RBFOX1: variants seen among roughly 807,000 people sequenced by gnomAD.
RBFOX1 encodes the protein RNA binding fox-1 homolog 1.
Under a neutral mutation model 57.7 loss-of-function variants are expected in RBFOX1, and 8 were observed. The observed-to-expected ratio is 0.14, with a 90% CI of 0.08 to 0.25. The LOEUF (loss-of-function observed/expected upper bound fraction) is 0.25, where lower values mean the gene tolerates loss of function less well. RBFOX1 is among the 10% of genes least tolerant of loss of function. The pLI is 1.00. For missense variants in RBFOX1, 611 were observed against 548.5 expected, an observed-to-expected ratio of 1.11 and a Z score of -1.14; for synonymous variants, 326 against 222.4, an observed-to-expected ratio of 1.47 and a Z score of -4.15.
intron 2 of RBFOX1, among the ~76,000 whole-genome samples, chr16:5,520,459 A>G (rs1268045567): frequency 6.6e-6 from 1 of 152,188 alleles, no homozygotes; most frequent in Non-Finnish European, 1.5e-5. Flanking sequence ...CGTCCATGTC[A>G]TCTACATCTG....
intron 3 of RBFOX1, among the ~76,000 whole-genome samples, chr16:6,828,964 G>T (rs1467944444): frequency 6.6e-6 from 1 of 151,310 alleles, no homozygotes; most frequent in East Asian, 2.0e-4. Flanking sequence ...TCTTGAGTGT[G>T]TACTTTTCCC....
Position 7,636,506 on chromosome 16 carries a change from T to A in RBFOX1, c.757+5823T>A, listed in dbSNP as rs2061782500. ...AGATGTTACACGTGTATTTCCTGTT[T>A]TGACGATTGATGTTGCTCAGATTCC... On this transcript the variant is annotated intron_variant, in intron 11 of 15. Coordinates refer to ENST00000550418, the MANE Select transcript of RBFOX1 (RefSeq NM_018723.4). 2.0e-5 allele frequency among the ~76,000 whole-genome samples: 3 copies of A among 152,352 alleles called. No homozygotes were observed. The South Asian group carries it at 6.2e-4, about 32-fold the overall frequency.
intron 2 of RBFOX1, among the ~76,000 whole-genome samples, chr16:6,649,054 C>T (rs1232286895): frequency 1.3e-5 from 2 of 152,112 alleles, no homozygotes; most frequent in African/African-American, 2.4e-5. Flanking sequence ...TTAACTTATT[C>T]CTCCTGTCTC....
At chr16:6,305,720 A>G (rs2079429102) in intron 1 of RBFOX1, among the ~76,000 whole-genome samples, 1 of 150,094 alleles carries the variant, frequency 6.7e-6, no homozygotes. Flanking sequence ...TTTTATTTCC[A>G]CCTCGTGCAT....
At chr16:5,439,364 A>T (rs113910042) in intron 1 of RBFOX1, among the ~76,000 whole-genome samples, 1 of 152,180 alleles carries the variant, frequency 6.6e-6, no homozygotes, top group African/African-American at 2.4e-5. Context: ...GTGACATGCT[A>T]TGATTTATAT....
intron 4 of RBFOX1, among the ~76,000 whole-genome samples, chr16:7,151,910 T>G (rs987925265): frequency 2.0e-5 from 3 of 152,140 alleles, no homozygotes; most frequent in Non-Finnish European, 4.4e-5. Flanking sequence ...GAGGTGGTAA[T>G]GTGAGCTATG....
In RBFOX1 at chr16:7,257,375, C is replaced by T. The variant is rs73555959; in HGVS notation, c.27+205277C>T. On this transcript the variant is annotated intron_variant, in intron 4 of 15. Transcript: ENST00000550418. Reference sequence around the variant, plus strand: ...ATTACATGCAACCTCATGAGACTTGCTGCCCCTCTATCTTCCCTCTTTTAT... The same window carrying T: ...ATTACATGCAACCTCATGAGACTTGTTGCCCCTCTATCTTCCCTCTTTTAT... Among the ~76,000 whole-genome samples, 1,447 of 152,238 alleles carry T rather than the reference C, an allele frequency of 9.5e-3. 23 individuals are homozygous for T. Among genetic ancestry groups the T allele is most frequent in the African/African-American group, 0.033 (1,387 of 41,540 alleles).
chr16:7,234,995 A>T (rs575573421), intron 4 of RBFOX1, among the ~76,000 whole-genome samples: 9 of 152,264 alleles, frequency 5.9e-5, no homozygotes, highest in African/African-American at 2.2e-4. Flanking sequence ...GCAGTCCAAA[A>T]AACGGAATGT....
intron 1 of RBFOX1, among the ~76,000 whole-genome samples, chr16:5,261,638 C>T (rs2062736311): frequency 6.6e-6 from 1 of 151,618 alleles, no homozygotes; most frequent in Admixed American, 6.6e-5. Context: ...CAAGCTCCGC[C>T]TCCCGGGTTC....
intron 2 of RBFOX1, among the ~76,000 whole-genome samples, chr16:5,525,080 T>G (rs918550167): frequency 2.6e-5 from 4 of 152,210 alleles, no homozygotes; most frequent in African/African-American, 7.2e-5. Flanking sequence ...TTCTCAACAC[T>G]GCTCCCCTGG....
chr16:6,039,774 A>C (rs1236304671), intron 1 of RBFOX1, among the ~76,000 whole-genome samples: 2 of 152,256 alleles, frequency 1.3e-5, no homozygotes, highest in African/African-American at 2.4e-5. Context: ...AATGCAAAAC[A>C]TACCAATGAA....
At chr16:5,810,265 T>C (rs2055373634) in intron 3 of RBFOX1, among the ~76,000 whole-genome samples, 1 of 152,036 alleles carries the variant, frequency 6.6e-6, no homozygotes, top group Non-Finnish European at 1.5e-5. Context: ...GAATGGCACA[T>C]GTATACATAT....
intron 5 of RBFOX1, among the ~76,000 whole-genome samples, chr16:7,548,606 G>A (rs768881875): frequency 9.9e-5 from 15 of 152,210 alleles, no homozygotes; most frequent in Non-Finnish European, 1.9e-4. Context: ...GCGGTTGCAC[G>A]GATGAGCAGG....
intron 3 of RBFOX1, among the ~76,000 whole-genome samples, chr16:7,022,901 C>G (rs77980076): frequency 0.018 from 2,725 of 152,286 alleles, 77 homozygotes; most frequent in African/African-American, 0.058. Flanking sequence ...AGAACTAGGG[C>G]TTGCACCCCA....
At chr16:6,996,090 G>A (rs2092207660) in intron 3 of RBFOX1, among the ~76,000 whole-genome samples, 1 of 152,156 alleles carries the variant, frequency 6.6e-6, no homozygotes, top group Admixed American at 6.5e-5. Flanking sequence ...AGTGATCCAA[G>A]TATATTCCAT....
At chr16:5,642,901 C>T (rs996702882) in intron 3 of RBFOX1, among the ~76,000 whole-genome samples, 5 of 152,150 alleles carry the variant, frequency 3.3e-5, no homozygotes, top group Non-Finnish European at 7.3e-5. Context: ...AAGCTAGGCT[C>T]CTTGCCTTTC....
chr16:5,999,730 G>A (rs1455073434), intron 4 of RBFOX1, among the ~76,000 whole-genome samples: 3 of 151,810 alleles, frequency 2.0e-5, no homozygotes, highest in South Asian at 2.1e-4. Flanking sequence ...GCTTGGTGGC[G>A]GGCGCCTGTA....
intron 3 of RBFOX1, among the ~76,000 whole-genome samples, chr16:6,686,022 G>T (rs931896686): frequency 1.3e-5 from 2 of 152,116 alleles, no homozygotes; most frequent in African/African-American, 4.8e-5. Flanking sequence ...ACTGCATATT[G>T]ACAAAAATGT....
intron 3 of RBFOX1, among the ~76,000 whole-genome samples, chr16:6,944,753 T>C (rs1276349235): frequency 1.3e-5 from 2 of 152,178 alleles, no homozygotes; most frequent in East Asian, 3.9e-4. Flanking sequence ...AAAGTCCTGT[T>C]GCCATAGTAC....
Sources: gnomAD v4.1 joint callset for allele counts (sites outside exome capture counted in the v4.1 genomes callset) on GRCh38, gnomAD v4.1.1 for gene constraint, MANE v1.5 for transcripts, NCBI Gene and HGNC (gene_info 2026-07-23, HGNC 2026-07-21) for gene names.